The following PRRC2B variants were observed in gnomAD, a reference collection of about 807,000 sequenced individuals.
PRRC2B encodes the protein proline rich coiled-coil 2B, also known as protein PRRC2B.
PRRC2B carries 68 observed loss-of-function variants against 242.3 expected under a neutral mutation model. The ratio of observed to expected loss-of-function variants is 0.28; its 90% CI spans 0.23 to 0.34. The LOEUF (loss-of-function observed/expected upper bound fraction) is 0.34, where lower values mean the gene tolerates loss of function less well. Among genes scored for constraint, PRRC2B ranks in the 10% least tolerant of loss-of-function variants. The pLI is 1.00. For synonymous variants in PRRC2B, 1,228 were observed against 1,173.6 expected (o/e 1.05, Z -0.95); for missense variants, 2,835 against 2,954.8 (o/e 0.96, Z 0.94).
intron 1 of PRRC2B, among the ~76,000 whole-genome samples, chr9:131,409,237 G>C (rs748226544): frequency 2.2e-4 from 34 of 152,248 alleles, no homozygotes; most frequent in South Asian, 6.2e-4. Context: ...GGTCAGGCTG[G>C]TCTCGAACTC....
chr9:131,381,927 A>C (rs1415674512), intron 1 of PRRC2B, among the ~76,000 whole-genome samples: 1 of 151,830 alleles, frequency 6.6e-6, no homozygotes, highest in African/African-American at 2.4e-5. Flanking sequence ...TTTAGTAGAG[A>C]CAGGGTTTCA....
chr9:131,484,686 G>A lies in PRRC2B; in HGVS notation c.5461G>A (p.Ala1821Thr). The A allele has an allele frequency of 6.3e-7, 1 of 1,599,782 alleles. No homozygotes were observed. Among genetic ancestry groups the A allele is most frequent in the Non-Finnish European group, 8.5e-7 (1 of 1,172,784 alleles). The change falls in exon 24 of 32, where the codon GCA (alanine) becomes ACA (threonine). Residue 1821 changes from alanine (A) to threonine (T), a missense_variant and splice_region_variant. Physicochemically the swap from Ala to Thr is moderately conservative, Grantham distance 58 (BLOSUM62 0). Coordinates refer to ENST00000683519, the MANE Select transcript of PRRC2B (RefSeq NM_013318.4). ...ATGGTTTCCTTTTCCTCCTCTCCAG[G>A]CAGGGTTAACACAGAGTATCCCCAT... Reference protein sequence around the residue: ...VKLQDALASNAGLTQSIPILR... With the variant: ...VKLQDALASNTGLTQSIPILR...
Position 131,412,390 on chromosome 9 carries a change from T to C in PRRC2B, c.-51-17704T>C, listed in dbSNP as rs562015776. 3.3e-5 allele frequency among the ~76,000 whole-genome samples: 5 copies of C among 152,362 alleles called. No individual in the cohort carries two copies. The East Asian group carries it at 9.6e-4, about 29-fold the overall frequency. Reference sequence around the variant, plus strand: ...CTTATTGTAGGATGGTTTTTGGTTATGTGGATGTAATTATCCATGTGACAG... The same window carrying C: ...CTTATTGTAGGATGGTTTTTGGTTACGTGGATGTAATTATCCATGTGACAG... On this transcript the variant is annotated intron_variant, in intron 1 of 31. Coordinates refer to ENST00000683519, the MANE Select transcript of PRRC2B (RefSeq NM_013318.4).
Position 131,474,491 on chromosome 9 carries a change from G to A in PRRC2B, c.2362G>A (p.Gly788Arg), listed in dbSNP as rs1278547576. 6.2e-7 allele frequency: 1 copy of A among 1,613,430 alleles called. No homozygotes were observed. Among genetic ancestry groups the A allele is most frequent in the South Asian group, 1.1e-5 (1 of 91,062 alleles). ...SSFSASLGRAGGVSAQRDLFE... is the reference protein window; with the variant it reads ...SSFSASLGRARGVSAQRDLFE... The stretch of plus-strand genomic sequence containing the variant: ...TTTCTCTGCCTCACTCGGAAGGGCA[G>A]GGGGCGTAAGTGCTCAGCGCGATCT... Residue 788 changes from glycine to arginine, a missense_variant, in exon 16 of 32, where the codon GGG (glycine) becomes AGG (arginine). Gly to Arg is a moderately radical substitution (Grantham distance 125). Coordinates refer to ENST00000683519, the MANE Select transcript of PRRC2B (RefSeq NM_013318.4).
At chr9:131,438,274 A>G (rs373337945) in intron 4 of PRRC2B, among the ~76,000 whole-genome samples, 10 of 152,306 alleles carry the variant, frequency 6.6e-5, no homozygotes, top group African/African-American at 2.2e-4. Flanking sequence ...GGCACTGGAC[A>G]TAGGCAGGCT....
rs371837542 is a variant in PRRC2B at position 131,475,588 on chromosome 9, C to T, written c.3459C>T (p.Ser1153=). ...ELPKRRRQRG[S]ENGNEGSLLE... ...CCAAGCGCCGCCGGCAGAGGGGCTCCGAGAACGGGAATGAAGGCTCGCTCC... is the reference window on the plus strand; with the variant it reads ...CCAAGCGCCGCCGGCAGAGGGGCTCTGAGAACGGGAATGAAGGCTCGCTCC... The change falls in exon 16 of 32, where the codon TCC becomes TCT. Residue 1153 remains serine, a synonymous_variant. Coordinates refer to ENST00000683519, the MANE Select transcript of PRRC2B (RefSeq NM_013318.4). 2.7e-5 allele frequency: 44 copies of T among 1,612,674 alleles called. No individual in the cohort carries two copies. The highest frequency in any genetic ancestry group is 3.6e-5 in the Non-Finnish European group (43 of 1,179,806).
Position 131,383,589 on chromosome 9 carries a change from T to G in PRRC2B, c.-56+9858T>G, listed in dbSNP as rs183076666. Among the ~76,000 whole-genome samples, 48 of 144,044 alleles carry G rather than the reference T, an allele frequency of 3.3e-4. No homozygotes were observed. The East Asian group carries it at 6.8e-3, about 20-fold the overall frequency. The allele number at this position is 144,044 out of a possible 152,430, so 94.5% of individuals were successfully genotyped here. On this transcript the variant is annotated intron_variant, in intron 1 of 1. Transcript: ENST00000682525. ...TAGGGTTTTTGTTTGTTTGTTTTGG[T>G]TTTGGTTTCTCTTTTTTTTTTTTTT...
chr9:131,476,256 C>T lies in PRRC2B; in HGVS notation c.4127C>T (p.Thr1376Met), dbSNP rs1416524346. 1.9e-5 allele frequency: 30 copies of T among 1,611,702 alleles called. No individual in the cohort carries two copies. The highest frequency in any genetic ancestry group is 3.4e-5 in the Admixed American group (2 of 59,608). ...SSDHANEEWE[T>M]ASESSDFSER... ...GATCACGCCAATGAGGAGTGGGAGA[C>T]GGCCTCCGAAAGCAGCGACTTCAGC... The change falls in exon 16 of 32, where the codon ACG (threonine) becomes ATG (methionine). Residue 1376 changes from threonine (T) to methionine (M), a missense_variant. By Grantham distance (81) the Thr-to-Met change is moderately conservative. Around this residue, in one of 7 missense-constraint regions of PRRC2B, gnomAD observed 1,536 missense variants for 1,483.1 expected, o/e 1.04. Transcript: ENST00000683519.
At chr9:131,435,545 A>G (rs1838327907) in intron 3 of PRRC2B, among the ~76,000 whole-genome samples, 1 of 150,964 alleles carries the variant, frequency 6.6e-6, no homozygotes, top group Non-Finnish European at 1.5e-5. Context: ...AACCTGGGAG[A>G]AAGAGGTTGC....
rs1944217862 is a variant in PRRC2B, at chr9:131,492,277, G to C, written c.6473+17G>C. 3 of 1,597,700 alleles carry C rather than the reference G, an allele frequency of 1.9e-6. No individual in the cohort carries two copies. Among genetic ancestry groups the C allele is most frequent in the Admixed American group, 1.7e-5 (1 of 59,982 alleles). ...GACCTACAGGTAAAGCCACTCCCTG[G>C]GGACTGCGTGCTGTGTAGCTGAGCA... is the stretch of plus-strand genomic sequence containing the variant. On this transcript the variant is annotated intron_variant, in intron 30 of 31. Transcript: ENST00000683519.
intron 1 of PRRC2B, among the ~76,000 whole-genome samples, chr9:131,415,011 G>T (rs1350304794): frequency 6.6e-6 from 1 of 151,932 alleles, no homozygotes; most frequent in Non-Finnish European, 1.5e-5. Context: ...TTGTTTTTTT[G>T]AGTCGGAGTT....
At chr9:131,400,274 A>G (rs1446790158) in intron 1 of PRRC2B, among the ~76,000 whole-genome samples, 2 of 150,908 alleles carry the variant, frequency 1.3e-5, no homozygotes, top group Admixed American at 6.6e-5. Flanking sequence ...TTTTGTGGAG[A>G]CGGGGTTTCG....
At chr9:131,488,552 AC>A (rs1229516422) in intron 28 of PRRC2B, among the ~76,000 whole-genome samples, 1 of 151,744 alleles carries the variant, frequency 6.6e-6, no homozygotes, top group African/African-American at 2.4e-5. Flanking sequence ...GTGAGCCACC[AC>A]CCCTGGCCCC....
chr9:131,386,230 A>G lies in PRRC2B; in HGVS notation c.-56+12499A>G, dbSNP rs543821705. ...TGGGCTCAAGCAATCCTCCCACCTCAGCCTCCGGAATAGCTGGGACTGCAA... is the reference window on the plus strand; with the variant it reads ...TGGGCTCAAGCAATCCTCCCACCTCGGCCTCCGGAATAGCTGGGACTGCAA... On this transcript the variant is annotated intron_variant, in intron 1 of 1. Coordinates refer to the PRRC2B transcript ENST00000682525. Among the ~76,000 whole-genome samples, 144 of 150,312 alleles carry G rather than the reference A, an allele frequency of 9.6e-4. 8 individuals are homozygous for G. The South Asian group carries it at 0.024, about 25-fold the overall frequency.
intron 1 of PRRC2B, among the ~76,000 whole-genome samples, chr9:131,385,761 T>G (rs918244905): frequency 7.6e-5 from 11 of 145,684 alleles, no homozygotes; most frequent in African/African-American, 2.5e-4. Flanking sequence ...TGGTGTGATC[T>G]CGGCTCACTG....
chr9:131,394,100 G>C lies in PRRC2B; in HGVS notation c.-215G>C, dbSNP rs1411679810. Reference sequence around the variant, plus strand: ...GAGCGAGCGGCGAGACAGGCGCCGAGGCTCCACCGCGCAGCGACGAGCGAG... The same window carrying C: ...GAGCGAGCGGCGAGACAGGCGCCGACGCTCCACCGCGCAGCGACGAGCGAG... On this transcript the variant is annotated 5_prime_UTR_variant, in exon 1 of 32. Transcript: ENST00000683519. The C allele has an allele frequency of 6.7e-6, 1 of 149,468 alleles. No individual in the cohort carries two copies. The allele number at this position is 149,468 out of a possible 1,614,324, so 9.3% of individuals were successfully genotyped here.
chr9:131,453,429 G>A (rs1398480253), intron 9 of PRRC2B, among the ~76,000 whole-genome samples: 1 of 151,804 alleles, frequency 6.6e-6, no homozygotes, highest in African/African-American at 2.4e-5. Context: ...CTAGAGTTGG[G>A]ATCTTGCTCT....
chr9:131,429,158 G>A (rs775032544), intron 1 of PRRC2B, among the ~76,000 whole-genome samples: 3 of 152,168 alleles, frequency 2.0e-5, no homozygotes, highest in Non-Finnish European at 2.9e-5. Flanking sequence ...TGCTGGCCAG[G>A]CAGGTCTCGA....
At chr9:131,424,968 G>A (rs1538661) in intron 1 of PRRC2B, among the ~76,000 whole-genome samples, 147,699 of 152,286 alleles carry the variant, frequency 0.97, 71,782 homozygotes, top group East Asian at 1. Flanking sequence ...ATGTTTGGGC[G>A]AGGTTTTTTG....
Sources: allele counts gnomAD v4.1 joint callset (sites outside exome capture counted in the v4.1 genomes callset), GRCh38; gene constraint gnomAD v4.1.1; regional missense constraint gnomAD v4.1.1; transcripts MANE v1.5; gene names NCBI Gene and HGNC (gene_info 2026-07-23, HGNC 2026-07-21).